RNF2: variants seen among roughly 807,000 people sequenced by gnomAD.
RNF2 encodes E3 ubiquitin-protein ligase RING2.
A neutral mutation model predicts 37.2 loss-of-function variants in RNF2; 6 were observed. The ratio of observed to expected loss-of-function variants is 0.16; its 90% CI spans 0.09 to 0.32. The LOEUF (loss-of-function observed/expected upper bound fraction) is 0.32, where lower values mean the gene tolerates loss of function less well. Among genes scored for constraint, RNF2 ranks in the 10% least tolerant of loss-of-function variants. The pLI is 1.00. For missense variants in RNF2, 251 were observed against 404.0 expected (o/e 0.62, Z 3.25); for synonymous variants, 133 against 132.7 (o/e 1.00, Z -0.02).
At chr1:185,094,548 A>C (rs189577431) in intron 4 of RNF2, among the ~76,000 whole-genome samples, 2 of 152,190 alleles carry the variant, frequency 1.3e-5, no homozygotes, top group East Asian at 3.9e-4. Flanking sequence ...AGGCCACAAC[A>C]ATCTTTCATT....
chr1:185,062,367 AAT>A (rs1196836503), intron 1 of RNF2, among the ~76,000 whole-genome samples: 13 of 152,190 alleles, frequency 8.5e-5, no homozygotes, highest in African/African-American at 2.9e-4. Flanking sequence ...ATACACATAA[AAT>A]ATATGTGTAT....
intron 4 of RNF2, among the ~76,000 whole-genome samples, chr1:185,095,579 A>G (rs896948170): frequency 2.0e-5 from 3 of 152,136 alleles, no homozygotes; most frequent in Non-Finnish European, 2.9e-5. Flanking sequence ...CCTAAGAGGG[A>G]AGAGACTATG....
intron 1 of RNF2, among the ~76,000 whole-genome samples, chr1:185,072,817 G>C (rs1022440290): frequency 1.3e-5 from 2 of 152,134 alleles, no homozygotes; most frequent in Non-Finnish European, 2.9e-5. Flanking sequence ...GCACGCGCCT[G>C]TAGTCCCAGC....
chr1:185,087,074 A>C (rs193091312), intron 1 of RNF2, among the ~76,000 whole-genome samples: 2 of 152,256 alleles, frequency 1.3e-5, no homozygotes, highest in Admixed American at 1.3e-4. Context: ...TCTTCTTTTT[A>C]ATTTTTGAGA....
chr1:185,073,218 T>A (rs961689046), intron 1 of RNF2, among the ~76,000 whole-genome samples: 1 of 152,184 alleles, frequency 6.6e-6, no homozygotes, highest in Admixed American at 6.5e-5. Flanking sequence ...CAAATAATGC[T>A]GTGATGACCA....
intron 1 of RNF2, among the ~76,000 whole-genome samples, chr1:185,083,805 C>A (rs1651499603): frequency 2.0e-5 from 3 of 151,140 alleles, no homozygotes; most frequent in African/African-American, 7.3e-5. Context: ...GGGGATTTTG[C>A]TGTGTTGCCC....
intron 1 of RNF2, among the ~76,000 whole-genome samples, chr1:185,054,224 G>C: frequency 6.6e-6 from 1 of 152,200 alleles, no homozygotes; most frequent in African/African-American, 2.4e-5. Flanking sequence ...ATATGCCTTG[G>C]ACTAAACTGG....
chr1:185,084,727 C>T (rs367768736), intron 1 of RNF2, among the ~76,000 whole-genome samples: 2 of 152,164 alleles, frequency 1.3e-5, no homozygotes, highest in African/African-American at 4.8e-5. Flanking sequence ...GCCATCTAGC[C>T]TACTAAGCGC....
intron 2 of RNF2, among the ~76,000 whole-genome samples, chr1:185,088,484 A>G (rs1651667104): frequency 6.6e-6 from 1 of 151,320 alleles, no homozygotes; most frequent in Non-Finnish European, 1.5e-5. Context: ...TGAACCTGGG[A>G]GGCGGTGGTT....
Position 185,100,255 on chromosome 1 carries a change from A to G in RNF2, c.965A>G (p.Asn322Ser). 1.2e-6 allele frequency: 2 copies of G among 1,612,678 alleles called. No individual in the cohort carries two copies. The highest frequency in any genetic ancestry group is 4.5e-5 in the East Asian group (2 of 44,796). Reference protein sequence around the residue: ...ELVSEKYWKVNKPMELYYAPT... With the variant: ...ELVSEKYWKVSKPMELYYAPT... ...GTCAGTGAGAAATACTGGAAAGTGA[A>G]CAAACCCATGGAACTTTATTACGCA... Residue 322 changes from asparagine (N) to serine (S), a missense_variant, in exon 7 of 7, where the codon AAC (asparagine) becomes AGC (serine). By Grantham distance (46) the Asn-to-Ser change is conservative. Transcript: ENST00000367510.
chr1:185,070,821 A>G (rs1463806295), intron 1 of RNF2, among the ~76,000 whole-genome samples: 2 of 151,658 alleles, frequency 1.3e-5, no homozygotes, highest in East Asian at 1.9e-4. Flanking sequence ...TATTTTTAGT[A>G]GAGACTGGGT....
At chr1:185,067,669 T>A (rs1650836601) in intron 1 of RNF2, among the ~76,000 whole-genome samples, 2 of 151,962 alleles carry the variant, frequency 1.3e-5, no homozygotes, top group African/African-American at 4.8e-5. Flanking sequence ...AAAAAATGCT[T>A]TGTAGGGAAA....
intron 4 of RNF2, among the ~76,000 whole-genome samples, chr1:185,097,216 C>T (rs186090135): frequency 6.1e-4 from 93 of 152,258 alleles, no homozygotes; most frequent in African/African-American, 1.8e-3. Context: ...GTGCCTTGCC[C>T]GGTAATTAGC....
At chr1:185,095,325 TACTGTTCTTCAG>T (rs1178749653) in intron 4 of RNF2, among the ~76,000 whole-genome samples, 2 of 152,214 alleles carry the variant, frequency 1.3e-5, no homozygotes, top group Non-Finnish European at 2.9e-5. Context: ...ACAGCTTCCT[TACTGTTCTTCAG>T]ACTCACCAAG....
At chr1:185,076,364 C>G (rs1453242152) in intron 1 of RNF2, among the ~76,000 whole-genome samples, 5 of 133,236 alleles carry the variant, frequency 3.8e-5, no homozygotes, top group Non-Finnish European at 7.8e-5. Context: ...GATCTTGGCT[C>G]ACTGCAACCT....
intron 1 of RNF2, among the ~76,000 whole-genome samples, chr1:185,048,651 G>C (rs1650182577): frequency 6.6e-6 from 1 of 152,090 alleles, no homozygotes; most frequent in Admixed American, 6.6e-5. Context: ...CAAAAGATAT[G>C]TTACTTACGG....
At chr1:185,093,361 A>G in intron 4 of RNF2, 85 bp downstream of exon 4, 2 of 1,243,702 alleles carry the variant, frequency 1.6e-6, no homozygotes, top group South Asian at 1.3e-5. Context: ...AAAAGGTAAA[A>G]TACAGTAACA....
chr1:185,082,320 C>CAAGGTTCT (rs1651440939), intron 1 of RNF2, among the ~76,000 whole-genome samples: 2 of 135,012 alleles, frequency 1.5e-5, no homozygotes, highest in South Asian at 4.7e-4. Context: ...TCCGCGTCTT[C>CAAGGTTCT]AAGGTTCTTG....
intron 1 of RNF2, among the ~76,000 whole-genome samples, chr1:185,051,461 A>G (rs1650270693): frequency 6.6e-6 from 1 of 152,228 alleles, no homozygotes; most frequent in Non-Finnish European, 1.5e-5. Flanking sequence ...TTGAAAAGAT[A>G]TAAGAAGTAA....
Sources: allele counts gnomAD v4.1 joint callset (sites outside exome capture counted in the v4.1 genomes callset), GRCh38; gene constraint gnomAD v4.1.1; transcripts MANE v1.5; gene names NCBI Gene and HGNC (gene_info 2026-07-23, HGNC 2026-07-21).